Variants in TSPAN8 observed in about 807,000 individuals in gnomAD.
TSPAN8 encodes the protein tetraspanin 8.
In TSPAN8, 21 loss-of-function variants were observed where a neutral mutation model predicts 32.8. The observed-to-expected ratio is 0.64, with a 90% CI of 0.45 to 0.92. TSPAN8 has a LOEUF of 0.92. TSPAN8 is among the 40% of genes least tolerant of loss of function. The pLI is 0.00. For synonymous variants in TSPAN8, 95 were observed against 94.6 expected, an observed-to-expected ratio of 1.00 and a Z score of -0.03; for missense variants, 269 against 281.9, an observed-to-expected ratio of 0.95 and a Z score of 0.33.
At chr12:71,153,519 T>C (rs1317691033) in intron 2 of TSPAN8, among the ~76,000 whole-genome samples, 1 of 152,230 alleles carries the variant, frequency 6.6e-6, no homozygotes, top group East Asian at 1.9e-4. Context: ...TCGGCTCTAC[T>C]TTGCAAAGGC....
chr12:71,126,610 T>G (rs1181193768), intron 8 of TSPAN8, among the ~76,000 whole-genome samples: 1 of 152,286 alleles, frequency 6.6e-6, no homozygotes, highest in South Asian at 2.1e-4. Flanking sequence ...CATTTTATAA[T>G]GTACGCCAAG....
chr12:71,125,144 A>G lies in TSPAN8; in HGVS notation c.*190T>C. 2.0e-6 allele frequency: 1 copy of G among 493,950 alleles called. No homozygotes were observed. The highest frequency in any genetic ancestry group is 3.5e-5 in the South Asian group (1 of 28,230). The allele number at this position is 493,950 out of a possible 1,614,324, so 30.6% of individuals were successfully genotyped here. On this transcript the variant is annotated 3_prime_UTR_variant, in exon 9 of 9. Transcript: ENST00000247829. ...TTGAGTAAAAATACACATTCATATC[A>G]TTTTCCCTTATATCCCTCAAATCTT...
intron 4 of TSPAN8, 115 bp from the exon 5 acceptor site, chr12:71,138,345 G>C: frequency 8.1e-6 from 8 of 986,034 alleles, no homozygotes; most frequent in African/African-American, 3.3e-5. Context: ...GAGAGTGTCA[G>C]TCACACTCTT....
chr12:71,146,752 A>C (rs1872091073), intron 2 of TSPAN8, among the ~76,000 whole-genome samples: 1 of 152,152 alleles, frequency 6.6e-6, no homozygotes, highest in South Asian at 2.1e-4. Context: ...ATTTGGATGC[A>C]ATTGGTCTGG....
chr12:71,142,178 C>G (rs572877759), intron 3 of TSPAN8, among the ~76,000 whole-genome samples: 1 of 152,232 alleles, frequency 6.6e-6, no homozygotes, highest in East Asian at 1.9e-4. Flanking sequence ...TTATATAAGT[C>G]AAGCTGGTTA....
intron 2 of TSPAN8, 31 bp from the exon 3 acceptor site, chr12:71,144,244 T>A: frequency 6.3e-7 from 1 of 1,595,110 alleles, no homozygotes; most frequent in Non-Finnish European, 8.5e-7. Context: ...ACAAAAAGAA[T>A]ACAATTAGGA....
At chr12:71,151,687 C>A (rs958959172) in intron 2 of TSPAN8, among the ~76,000 whole-genome samples, 3 of 152,210 alleles carry the variant, frequency 2.0e-5, no homozygotes, top group African/African-American at 7.2e-5. Flanking sequence ...CAAATGACAG[C>A]CCACAAGCCA....
At chr12:71,147,041 C>A (rs144306743) in intron 2 of TSPAN8, among the ~76,000 whole-genome samples, 3 of 152,020 alleles carry the variant, frequency 2.0e-5, no homozygotes. Context: ...GGGTCCTCAC[C>A]GGAAACTCAG....
intron 2 of TSPAN8, among the ~76,000 whole-genome samples, chr12:71,151,827 C>T (rs891956902): frequency 6.6e-6 from 1 of 152,188 alleles, no homozygotes; most frequent in African/African-American, 2.4e-5. Flanking sequence ...ATTCTCAGGG[C>T]ATTTGAGCAG....
chr12:71,151,066 AT>A (rs60574643), intron 2 of TSPAN8, among the ~76,000 whole-genome samples: 2,000 of 140,786 alleles, frequency 0.014, 29 homozygotes, highest in African/African-American at 0.043. Context: ...CGTGCATCTT[AT>A]TTTTTTTTTT....
chr12:71,136,036 C>T (rs1871685264), intron 6 of TSPAN8, among the ~76,000 whole-genome samples: 3 of 151,660 alleles, frequency 2.0e-5, no homozygotes, highest in African/African-American at 7.3e-5. Flanking sequence ...ATGCTTTAAG[C>T]ACAATTTTTA....
chr12:71,150,138 A>G (rs1476453755), intron 2 of TSPAN8, among the ~76,000 whole-genome samples: 1 of 151,842 alleles, frequency 6.6e-6, no homozygotes, highest in Non-Finnish European at 1.5e-5. Context: ...GGATTGGGAA[A>G]CTCCACCCTG....
intron 7 of TSPAN8, among the ~76,000 whole-genome samples, chr12:71,130,198 C>T (rs1374120998): frequency 6.6e-6 from 1 of 152,160 alleles, no homozygotes; most frequent in African/African-American, 2.4e-5. Flanking sequence ...AAGCAATCCA[C>T]CGGCCTCAGC....
chr12:71,148,261 C>T (rs1217256461), intron 2 of TSPAN8, among the ~76,000 whole-genome samples: 1 of 152,050 alleles, frequency 6.6e-6, no homozygotes, highest in African/African-American at 2.4e-5. Context: ...GTGTGAATAC[C>T]TGAAGATCTC....
chr12:71,147,078 C>T (rs1872099832), intron 2 of TSPAN8, among the ~76,000 whole-genome samples: 1 of 152,072 alleles, frequency 6.6e-6, no homozygotes, highest in East Asian at 1.9e-4. Context: ...TCTTAGCCTT[C>T]CTAGCCTCCA....
At chr12:71,149,304 G>T (rs1872171436) in intron 2 of TSPAN8, among the ~76,000 whole-genome samples, 1 of 151,306 alleles carries the variant, frequency 6.6e-6, no homozygotes, top group Admixed American at 6.6e-5. Context: ...GCAGGTGGAG[G>T]TTGCAGTGAG....
chr12:71,139,614 C>G, intron 4 of TSPAN8, 97 bp downstream of exon 4: 2 of 1,446,288 alleles, frequency 1.4e-6, no homozygotes, highest in Non-Finnish European at 1.9e-6. Flanking sequence ...GTTAGAGTTT[C>G]ATCAATCATG....
intron 2 of TSPAN8, 108 bp downstream of exon 2, chr12:71,157,511 T>C: frequency 1.3e-6 from 1 of 750,086 alleles, no homozygotes; most frequent in South Asian, 1.9e-5. Context: ...GAAAATACAT[T>C]TTCCCCCTTC....
intron 4 of TSPAN8, 140 bp from the exon 5 acceptor site, chr12:71,138,370 T>C: frequency 1.1e-6 from 1 of 887,946 alleles, no homozygotes; most frequent in South Asian, 2.0e-5. Context: ...TATTCCACTT[T>C]TTACTTCAAG....
Sources: gnomAD v4.1 joint callset for allele counts (sites outside exome capture counted in the v4.1 genomes callset) on GRCh38, gnomAD v4.1.1 for gene constraint, MANE v1.5 for transcripts, NCBI Gene and HGNC (gene_info 2026-07-23, HGNC 2026-07-21) for gene names.